Variants in TPO observed in about 807,000 individuals in gnomAD.
TPO encodes the protein thyroid peroxidase.
TPO carries 78 observed loss-of-function variants against 96.9 expected under a neutral mutation model. The observed-to-expected ratio is 0.81, with a 90% confidence interval of 0.67 to 0.97. The LOEUF is 0.97. Ranked by LOEUF, TPO falls within the 50% of genes least tolerant of loss-of-function variation. The probability of loss-of-function intolerance (pLI) is 0.00; values close to 1 mark genes in which losing one functional copy is unlikely to be tolerated. For synonymous variants in TPO, 547 were observed against 538.0 expected (o/e 1.02, Z -0.23); for missense variants, 1,252 against 1,274.8 (o/e 0.98, Z 0.27).
intron 15 of TPO, among the ~76,000 whole-genome samples, chr2:1,522,033 G>A (rs1170927130): frequency 6.6e-6 from 1 of 152,004 alleles, no homozygotes; most frequent in African/African-American, 2.4e-5. Flanking sequence ...AAGTATAGGT[G>A]GGAAATGTGC....
chr2:1,495,353 T>C (rs1411218470), intron 11 of TPO, among the ~76,000 whole-genome samples: 1 of 152,214 alleles, frequency 6.6e-6, no homozygotes, highest in Non-Finnish European at 1.5e-5. Context: ...CAGGAGCTAT[T>C]GGGGCTTTGG....
chr2:1,418,505 A>G (rs544748315), intron 2 of TPO, among the ~76,000 whole-genome samples: 1 of 152,262 alleles, frequency 6.6e-6, no homozygotes, highest in East Asian at 1.9e-4. Flanking sequence ...GCACCTGAAA[A>G]TTCTGTAATA....
chr2:1,389,768 T>C (rs1243694339), intron 1 of TPO, among the ~76,000 whole-genome samples: 1 of 152,120 alleles, frequency 6.6e-6, no homozygotes, highest in East Asian at 1.9e-4. Context: ...TCTTTCCACC[T>C]CAGATTAAAA....
chr2:1,471,608 T>C (rs1669424329), intron 7 of TPO, among the ~76,000 whole-genome samples: 1 of 152,182 alleles, frequency 6.6e-6, no homozygotes, highest in East Asian at 1.9e-4. Context: ...ACGAGTCTCT[T>C]CCTCTCCCTC....
At chr2:1,476,909 C>G (rs900503081) in intron 7 of TPO, among the ~76,000 whole-genome samples, 177 bp from the exon 8 acceptor site, 2 of 151,568 alleles carry the variant, frequency 1.3e-5, no homozygotes, top group Non-Finnish European at 2.9e-5. Flanking sequence ...GGCAAGAGAC[C>G]ACCGGTAAGC....
intron 5 of TPO, among the ~76,000 whole-genome samples, chr2:1,447,280 A>G (rs1234157537): frequency 1.3e-5 from 2 of 152,192 alleles, no homozygotes; most frequent in African/African-American, 4.8e-5. Context: ...GGTCTCCACA[A>G]CCTGTGTCTT....
chr2:1,519,472 T>C (rs1675031507), intron 15 of TPO, among the ~76,000 whole-genome samples: 1 of 152,220 alleles, frequency 6.6e-6, no homozygotes, highest in African/African-American at 2.4e-5. Flanking sequence ...CTACTCTCTC[T>C]ACAAGACACT....
upstream of TPO, among the ~76,000 whole-genome samples, chr2:1,409,576 C>G (rs932779535): frequency 3.9e-5 from 6 of 152,214 alleles, no homozygotes; most frequent in Non-Finnish European, 5.9e-5. Flanking sequence ...CAACCAGGAC[C>G]AGGGAGTGGA....
chr2:1,482,067 C>T (rs1670697729), intron 8 of TPO, among the ~76,000 whole-genome samples: 1 of 152,208 alleles, frequency 6.6e-6, no homozygotes, highest in Non-Finnish European at 1.5e-5. Flanking sequence ...ACTAATAGGG[C>T]ATGTTTGAGA....
upstream of TPO, among the ~76,000 whole-genome samples, chr2:1,412,045 C>T (rs919906448): frequency 2.6e-5 from 4 of 152,224 alleles, no homozygotes; most frequent in African/African-American, 9.6e-5. Context: ...TATCCCCCCT[C>T]AGGACTCCCA....
At position 1,503,916 on chromosome 2, in the gene TPO, C is replaced by T. The variant is rs200021961; in HGVS notation, c.2387-32C>T. The T allele has an allele frequency of 7.4e-4, 1,188 of 1,614,128 alleles. 6 individuals are homozygous for T. The African/African-American group carries it at 0.014, about 19-fold the overall frequency. ...CGGGAGATGGGGGTGCAGCCGCTTCCTCTCACGTGTGTGGCCTTGTGTGTC... is the reference window on the plus strand; with the variant it reads ...CGGGAGATGGGGGTGCAGCCGCTTCTTCTCACGTGTGTGGCCTTGTGTGTC... On this transcript the variant is annotated intron_variant, in intron 13 of 16. Transcript: ENST00000329066.
At chr2:1,508,609 C>T (rs1461495165) in intron 14 of TPO, among the ~76,000 whole-genome samples, 1 of 152,112 alleles carries the variant, frequency 6.6e-6, no homozygotes, top group Non-Finnish European at 1.5e-5. Flanking sequence ...CTGGTTTAGT[C>T]TTGGGAAGAA....
At chr2:1,470,667 A>G (rs1484072105) in intron 7 of TPO, among the ~76,000 whole-genome samples, 1 of 152,186 alleles carries the variant, frequency 6.6e-6, no homozygotes, top group Non-Finnish European at 1.5e-5. Flanking sequence ...TAAAAAAGCC[A>G]TGGTGAGAGC....
In TPO at chr2:1,478,682, G is replaced by A. The variant is rs555196757; in HGVS notation, c.1338+1078G>A. 2.0e-5 allele frequency among the ~76,000 whole-genome samples: 3 copies of A among 152,366 alleles called. No homozygotes were observed. The South Asian group carries it at 6.2e-4, about 32-fold the overall frequency. On this transcript the variant is annotated intron_variant, in intron 8 of 16. Transcript: ENST00000329066. Reference sequence around the variant, plus strand: ...GCCCTCACACTTCTCCGGCAAGCACGGCAGACGGGCTCACTGTCCTAACAC... The same window carrying A: ...GCCCTCACACTTCTCCGGCAAGCACAGCAGACGGGCTCACTGTCCTAACAC...
Position 1,477,595 on chromosome 2 carries a change from T to G in TPO, c.1329T>G (p.Ala443=), listed in dbSNP as rs1460818153. The G allele has an allele frequency of 5.2e-6, 8 of 1,528,990 alleles. No homozygotes were observed. The highest frequency in any genetic ancestry group is 7.0e-6 in the Non-Finnish European group (8 of 1,143,832). The allele number at this position is 1,528,990 out of a possible 1,614,324, so 94.7% of individuals were successfully genotyped here. A position where few individuals can be genotyped will look rare whatever the true frequency, so the allele number is the denominator to read the frequency against. ...VYQEARKVVG[A]LHQIITLRDY... ...AGGAGGCGCGCAAGGTCGTGGGCGCTCTGCACCAGGTGCGCGGGGTGGTCC... is the reference window on the plus strand; with the variant it reads ...AGGAGGCGCGCAAGGTCGTGGGCGCGCTGCACCAGGTGCGCGGGGTGGTCC... Residue 443 remains alanine, a synonymous_variant, in exon 8 of 17, where the codon GCT becomes GCG. Coordinates refer to ENST00000329066, the MANE Select transcript of TPO (RefSeq NM_001206744.2).
At chr2:1,525,787 G>A (rs1414578769) in intron 15 of TPO, among the ~76,000 whole-genome samples, 28 of 144,820 alleles carry the variant, frequency 1.9e-4, no homozygotes, top group Non-Finnish European at 2.9e-4. Flanking sequence ...CCGCCACTGT[G>A]TGCAACCTCA....
In TPO at chr2:1,542,524, C is replaced by T. The variant is rs376779659; in HGVS notation, c.*50C>T. 25 of 1,611,822 alleles carry T rather than the reference C, an allele frequency of 1.6e-5. 1 individual carries two copies. In the South Asian group the frequency reaches 1.8e-4, roughly 11 times the overall value. On this transcript the variant is annotated 3_prime_UTR_variant, in exon 17 of 17. Transcript: ENST00000329066. ...AACAGCTTCATGTTCCCAAAATCAC[C>T]GTACGACTCTTTTCCAAACACAGGC...
In TPO at chr2:1,471,815, G is replaced by A. The variant is rs146648116; in HGVS notation, c.820-5271G>A. ...CTCAAAGGGATTCACTGGGCACCCC[G>A]TTTTAATCAGCATGCCCTTGCTATG... On this transcript the variant is annotated intron_variant, in intron 7 of 16. Transcript: ENST00000329066. 1.2e-4 allele frequency among the ~76,000 whole-genome samples: 19 copies of A among 152,288 alleles called. No homozygotes were observed. The East Asian group carries it at 2.9e-3, about 23-fold the overall frequency.
At chr2:1,524,877 T>A (rs1406210984) in intron 15 of TPO, among the ~76,000 whole-genome samples, 3 of 85,790 alleles carry the variant, frequency 3.5e-5, no homozygotes, top group Non-Finnish European at 6.7e-5. Context: ...TGATGTAACC[T>A]CCTCAAATTG....
Sources: gnomAD v4.1 joint callset for allele counts (sites outside exome capture counted in the v4.1 genomes callset) on GRCh38, gnomAD v4.1.1 for gene constraint, MANE v1.5 for transcripts, NCBI Gene and HGNC (gene_info 2026-07-23, HGNC 2026-07-21) for gene names.